Variants in THSD7A observed in about 807,000 individuals in gnomAD.
THSD7A encodes the protein thrombospondin type 1 domain containing 7A, also known as thrombospondin type-1 domain-containing protein 7A.
THSD7A carries 96 observed loss-of-function variants against 231.3 expected under a neutral mutation model. That is an observed-to-expected ratio of 0.41 (90% CI 0.35 to 0.49). THSD7A has a LOEUF of 0.49. Ranked by LOEUF, THSD7A falls within the 20% of genes least tolerant of loss-of-function variation. The pLI is 0.05. For missense variants in THSD7A, 2,290 were observed against 2,070.2 expected, an observed-to-expected ratio of 1.11 and a Z score of -2.06; for synonymous variants, 940 against 743.3, an observed-to-expected ratio of 1.26 and a Z score of -4.30.
intron 1 of THSD7A, among the ~76,000 whole-genome samples, chr7:11,661,349 T>C (rs75293397): frequency 0.045 from 6,760 of 151,198 alleles, 184 homozygotes; most frequent in East Asian, 0.14. Flanking sequence ...TCAGGCAAAA[T>C]TGCTAAGAAT....
intron 22 of THSD7A, among the ~76,000 whole-genome samples, chr7:11,405,381 A>G (rs1381484846): frequency 6.6e-6 from 1 of 152,156 alleles, no homozygotes; most frequent in Non-Finnish European, 1.5e-5. Context: ...GGTCACATTC[A>G]AAAGAAAATA....
intron 1 of THSD7A, among the ~76,000 whole-genome samples, chr7:11,677,177 A>T (rs1210021067): frequency 1.3e-5 from 2 of 152,246 alleles, no homozygotes; most frequent in African/African-American, 2.4e-5. Flanking sequence ...AAGCTTCATG[A>T]GTGAAGGAGA....
intron 6 of THSD7A, among the ~76,000 whole-genome samples, chr7:11,498,515 GCCA>G (rs1787200914): frequency 6.6e-6 from 1 of 152,168 alleles, no homozygotes; most frequent in African/African-American, 2.4e-5. Flanking sequence ...GGAAGGGTGG[GCCA>G]CCATCTTTGC....
chr7:11,616,245 T>C (rs1781098915), intron 2 of THSD7A, among the ~76,000 whole-genome samples: 2 of 152,178 alleles, frequency 1.3e-5, no homozygotes, highest in Admixed American at 1.3e-4. Context: ...CCTTTCTTCA[T>C]AAAGTTGTTA....
At chr7:11,628,443 T>C (rs6971486) in intron 2 of THSD7A, among the ~76,000 whole-genome samples, 15,496 of 152,218 alleles carry the variant, frequency 0.1, 973 homozygotes, top group African/African-American at 0.17. Context: ...ACCTGGTGCA[T>C]GCCTTCTAAT....
intron 6 of THSD7A, among the ~76,000 whole-genome samples, chr7:11,510,295 CA>C (rs1186169611): frequency 3.3e-5 from 5 of 152,094 alleles, no homozygotes; most frequent in African/African-American, 1.2e-4. Flanking sequence ...GCCTACCAAC[CA>C]AAAAAAGTCC....
intron 9 of THSD7A, among the ~76,000 whole-genome samples, chr7:11,464,518 T>C (rs1390096076): frequency 2.6e-5 from 4 of 152,172 alleles, no homozygotes; most frequent in African/African-American, 7.2e-5. Flanking sequence ...TTCAATTCTA[T>C]TTTGTTTGTT....
rs182374170 is a variant in THSD7A, at chr7:11,497,517, A to G, written c.1823-15535T>C. On this transcript the variant is annotated intron_variant, in intron 6 of 27. Transcript: ENST00000423059. The stretch of plus-strand genomic sequence containing the variant: ...TCAAACAAAGCCAATTACCAATCCA[A>G]TGTTGTTTCAAAGATATGGAAAACA... 1.2e-3 allele frequency among the ~76,000 whole-genome samples: 190 copies of G among 152,204 alleles called. 2 individuals are homozygous for G. Among genetic ancestry groups the G allele is most frequent in the African/African-American group, 4.4e-3 (184 of 41,570 alleles).
At chr7:11,612,515 ATG>A (rs1373519091) in intron 2 of THSD7A, among the ~76,000 whole-genome samples, 1 of 152,348 alleles carries the variant, frequency 6.6e-6, no homozygotes, top group Middle Eastern at 3.4e-3. Context: ...GTGAATATAT[ATG>A]TGTTTCCTTG....
At chr7:11,655,984 T>G (rs1457897579) in intron 1 of THSD7A, among the ~76,000 whole-genome samples, 1 of 151,908 alleles carries the variant, frequency 6.6e-6, no homozygotes, top group East Asian at 1.9e-4. Flanking sequence ...AACTAGATCT[T>G]CATTTCACCT....
chr7:11,470,863 A>G (rs1435360669), intron 8 of THSD7A, among the ~76,000 whole-genome samples: 1 of 151,974 alleles, frequency 6.6e-6, no homozygotes, highest in Non-Finnish European at 1.5e-5. Flanking sequence ...GATGAAGAAC[A>G]CTGAAATGTC....
chr7:11,372,515 C>G lies in THSD7A; in HGVS notation c.*3279G>C, dbSNP rs1782094908. The G allele has an allele frequency of 6.6e-6, 1 of 152,122 alleles. No individual in the cohort carries two copies. Among genetic ancestry groups the G allele is most frequent in the Non-Finnish European group, 1.5e-5 (1 of 68,012 alleles). 9.4% of individuals were successfully genotyped at this position (152,122 alleles called of 1,614,324 possible). A position where few individuals can be genotyped will look rare whatever the true frequency, so the allele number is the denominator to read the frequency against. ...AAAAAAGGCTTTGAAATTAAGATTA[C>G]TGTCCACATATTGGATTAGTTATTG... On this transcript the variant is annotated 3_prime_UTR_variant, in exon 28 of 28. Transcript: ENST00000423059.
intron 23 of THSD7A, among the ~76,000 whole-genome samples, chr7:11,397,992 T>C (rs1163881454): frequency 6.6e-6 from 1 of 152,186 alleles, no homozygotes; most frequent in Non-Finnish European, 1.5e-5. Flanking sequence ...CACAGCATGG[T>C]GATTCCAATG....
chr7:11,535,745 A>C (rs1268082993), intron 6 of THSD7A, among the ~76,000 whole-genome samples: 1 of 152,170 alleles, frequency 6.6e-6, no homozygotes, highest in Non-Finnish European at 1.5e-5. Flanking sequence ...ATTTGTGTTA[A>C]GAAGTAGATT....
chr7:11,605,596 C>T (rs1046207553), intron 2 of THSD7A, among the ~76,000 whole-genome samples: 1 of 152,098 alleles, frequency 6.6e-6, no homozygotes, highest in African/African-American at 2.4e-5. Flanking sequence ...CTCAAGCACT[C>T]AAAAAATATA....
At chr7:11,439,593 G>A (rs1254203127) in intron 13 of THSD7A, among the ~76,000 whole-genome samples, 1 of 152,038 alleles carries the variant, frequency 6.6e-6, no homozygotes, top group Non-Finnish European at 1.5e-5. Context: ...TAATAAGAAA[G>A]TACTAGAGTG....
intron 2 of THSD7A, 91 bp from the exon 3 acceptor site, chr7:11,593,593 T>C: frequency 6.7e-7 from 1 of 1,481,908 alleles, no homozygotes; most frequent in Admixed American, 2.2e-5. Context: ...CTTGGGCATT[T>C]TTATTTCTAC....
chr7:11,537,999 G>A (rs985150540), intron 6 of THSD7A, among the ~76,000 whole-genome samples: 6 of 152,150 alleles, frequency 3.9e-5, no homozygotes, highest in East Asian at 1.9e-4. Context: ...GGCCCTAGCC[G>A]GTGACCTTCA....
chr7:11,524,946 G>T (rs191697034), intron 6 of THSD7A, among the ~76,000 whole-genome samples: 1 of 152,348 alleles, frequency 6.6e-6, no homozygotes, highest in East Asian at 1.9e-4. Context: ...AAAAGAAACA[G>T]CAGGGAACCT....
Sources: allele counts gnomAD v4.1 joint callset (sites outside exome capture counted in the v4.1 genomes callset), GRCh38; gene constraint gnomAD v4.1.1; transcripts MANE v1.5; gene names NCBI Gene and HGNC (gene_info 2026-07-23, HGNC 2026-07-21).